Variants in PRSS23 observed in about 807,000 individuals in gnomAD.
PRSS23 encodes the protein serine protease 23.
A neutral mutation model predicts 34.7 loss-of-function variants in PRSS23; 25 were observed. The observed-to-expected ratio is 0.72, with a 90% CI of 0.53 to 1.01. The LOEUF (loss-of-function observed/expected upper bound fraction) is 1.01. Among genes scored for constraint, PRSS23 ranks in the 50% least tolerant of loss-of-function variants. The pLI is 0.00. For synonymous variants in PRSS23, 176 were observed against 186.6 expected (o/e 0.94, Z 0.46); for missense variants, 445 against 475.6 (o/e 0.94, Z 0.60).
At chr11:86,890,360 G>A (rs10898547) in intron 2 of PRSS23, among the ~76,000 whole-genome samples, 28,611 of 152,076 alleles carry the variant, frequency 0.19, 3,335 homozygotes, top group African/African-American at 0.34. Context: ...ATAAAGCATA[G>A]AATTTCTAGC....
downstream of PRSS23, among the ~76,000 whole-genome samples, chr11:86,812,205 G>A (rs1948183342): frequency 1.3e-5 from 2 of 152,182 alleles, no homozygotes; most frequent in African/African-American, 2.4e-5. Flanking sequence ...TCTGTATAGC[G>A]TGCAGACTGG....
At chr11:86,862,348 A>G (rs1948622038) in intron 2 of PRSS23, among the ~76,000 whole-genome samples, 4 of 151,912 alleles carry the variant, frequency 2.6e-5, no homozygotes, top group African/African-American at 9.7e-5. Flanking sequence ...TGTTACTCCT[A>G]ATGTACAGGG....
At chr11:86,886,523 G>A (rs1948803727) in intron 2 of PRSS23, among the ~76,000 whole-genome samples, 1 of 152,204 alleles carries the variant, frequency 6.6e-6, no homozygotes, top group Admixed American at 6.5e-5. Context: ...CTTCACAGGT[G>A]TTAATCCTAA....
exon 3 of PRSS23, chr11:86,951,317 T>G (rs1267701934): frequency 6.2e-6 from 10 of 1,613,942 alleles, no homozygotes; most frequent in Non-Finnish European, 7.6e-6. Flanking sequence ...CATAAAAATT[T>G]TCAACATTTC....
chr11:86,900,589 C>T (rs1259417234), intron 2 of PRSS23, among the ~76,000 whole-genome samples: 1 of 152,058 alleles, frequency 6.6e-6, no homozygotes, highest in Non-Finnish European at 1.5e-5. Flanking sequence ...CCTCACCACG[C>T]TCATTTTGTG....
intron 2 of PRSS23, among the ~76,000 whole-genome samples, chr11:86,831,054 A>G (rs1056904368): frequency 1.3e-5 from 2 of 152,012 alleles, no homozygotes; most frequent in African/African-American, 2.4e-5. Flanking sequence ...CCTAATGTCA[A>G]CGGGGTTTAC....
upstream of PRSS23, among the ~76,000 whole-genome samples, chr11:86,798,103 C>G (rs141804097): frequency 2.7e-3 from 410 of 152,344 alleles, 2 homozygotes; most frequent in African/African-American, 8.8e-3. Flanking sequence ...AAATCTCTCC[C>G]TTCTTCCCTT....
chr11:86,916,089 A>G (rs1949010988), intron 2 of PRSS23, among the ~76,000 whole-genome samples: 2 of 152,170 alleles, frequency 1.3e-5, no homozygotes, highest in Admixed American at 6.5e-5. Context: ...TGCATAATAT[A>G]TAAGGAAGTA....
intron 2 of PRSS23, chr11:86,833,546 A>C (rs1458496785): frequency 2.0e-5 from 5 of 252,546 alleles, no homozygotes; most frequent in Non-Finnish European, 3.1e-5. Context: ...AAGGGAGGGG[A>C]TCCATAGAGG....
At chr11:86,915,136 C>T (rs916416025) in intron 2 of PRSS23, among the ~76,000 whole-genome samples, 4 of 152,072 alleles carry the variant, frequency 2.6e-5, no homozygotes, top group East Asian at 1.9e-4. Context: ...ATTGGAAAAC[C>T]CGAATTTTAC....
rs1456225941 is a variant in PRSS23 at position 86,825,620 on chromosome 11, C to T, written c.206+2027C>T. 4.9e-3 allele frequency among the ~76,000 whole-genome samples: 745 copies of T among 151,384 alleles called. 3 individuals are homozygous for T. Among genetic ancestry groups the T allele is most frequent in the Non-Finnish European group, 6.5e-3 (439 of 67,658 alleles). The stretch of plus-strand genomic sequence containing the variant: ...AGGGTTTTTATGGTTTTAGGTCTAA[C>T]GTTTAAGTCTTTAATCCATCTTGAA... On this transcript the variant is annotated intron_variant, in intron 2 of 2. Coordinates refer to the PRSS23 transcript ENST00000533902.
At chr11:86,819,246 C>T (rs554302639) in intron 1 of PRSS23, among the ~76,000 whole-genome samples, 71 of 152,270 alleles carry the variant, frequency 4.7e-4, no homozygotes, top group African/African-American at 1.7e-3. Context: ...ACCCAGACAG[C>T]ATCACAGACC....
chr11:86,829,207 T>C (rs1948329781), intron 2 of PRSS23, among the ~76,000 whole-genome samples: 1 of 152,234 alleles, frequency 6.6e-6, no homozygotes, highest in Admixed American at 6.5e-5. Flanking sequence ...TTATTCTTTT[T>C]TCTCTAAACT....
At position 86,945,443 on chromosome 11, in the gene PRSS23, G is replaced by C. The variant is rs1361247626; in HGVS notation, c.207-5773G>C. On this transcript the variant is annotated intron_variant, in intron 2 of 2. Coordinates refer to the PRSS23 transcript ENST00000533902. ...ATCCAAAGCATCATGTGACCTACTT[G>C]AGTGTTACTGATGACCATATTAGCA... Among the ~76,000 whole-genome samples the C allele has an allele frequency of 8.6e-5, 13 of 151,892 alleles. No individual in the cohort carries two copies. The East Asian group carries it at 1.7e-3, about 20-fold the overall frequency.
intron 2 of PRSS23, among the ~76,000 whole-genome samples, chr11:86,828,562 G>A (rs994459904): frequency 6.6e-6 from 1 of 152,082 alleles, no homozygotes; most frequent in Non-Finnish European, 1.5e-5. Context: ...TATTTTGCTT[G>A]TTAGTTGATG....
chr11:86,837,051 C>G (rs889066093), intron 2 of PRSS23: 3 of 152,150 alleles, frequency 2.0e-5, no homozygotes, highest in African/African-American at 7.2e-5. Flanking sequence ...GCCTTAGAGA[C>G]ACTAGATTCA....
intron 2 of PRSS23, among the ~76,000 whole-genome samples, chr11:86,903,715 C>A (rs1018006214): frequency 6.6e-6 from 1 of 152,058 alleles, no homozygotes; most frequent in Non-Finnish European, 1.5e-5. Context: ...GATCTCCTGA[C>A]CTCATGATCC....
rs1948174617 is a variant in PRSS23 at position 86,811,161 on chromosome 11, G to A, written c.*2366G>A. ...TGCCTGTCTGCACATTAAAAGCTCT[G>A]GGAAGACCTGTTGTAAAGGGACAAG... is the stretch of plus-strand genomic sequence containing the variant. On this transcript the variant is annotated 3_prime_UTR_variant, in exon 2 of 2. Coordinates refer to ENST00000280258, the MANE Select transcript of PRSS23 (RefSeq NM_007173.6). 6.0e-6 allele frequency: 1 copy of A among 167,030 alleles called. No homozygotes were observed. Among genetic ancestry groups the A allele is most frequent in the East Asian group, 1.9e-4 (1 of 5,198 alleles). The allele number at this position is 167,030 out of a possible 1,614,324, so 10.3% of individuals were successfully genotyped here.
At position 86,808,060 on chromosome 11, in the gene PRSS23, T is replaced by C. The variant is rs771161021; in HGVS notation, c.417T>C (p.Ile139=). The change falls in exon 2 of 2, where the codon ATT becomes ATC. Residue 139 remains isoleucine, a synonymous_variant. Coordinates refer to ENST00000280258, the MANE Select transcript of PRSS23 (RefSeq NM_007173.6). ...ATGGCTATGACAGCAGGTTCAGCAT[T>C]TTTGGGAAGGACTTCCTGCTCAACT... ...QIYGYDSRFS[I]FGKDFLLNYP... The C allele has an allele frequency of 1.2e-6, 2 of 1,613,772 alleles. No individual in the cohort carries two copies. The highest frequency in any genetic ancestry group is 1.7e-5 in the Admixed American group (1 of 59,986).
Sources: gnomAD v4.1 joint callset for allele counts (sites outside exome capture counted in the v4.1 genomes callset) on GRCh38, gnomAD v4.1.1 for gene constraint, MANE v1.5 for transcripts, NCBI Gene and HGNC (gene_info 2026-07-23, HGNC 2026-07-21) for gene names.